The following RNF213 variants were observed in gnomAD, a reference collection of about 807,000 sequenced individuals.
The protein encoded by RNF213 is E3 ubiquitin-protein ligase RNF213.
RNF213 carries 341 observed loss-of-function variants against 514.4 expected under a neutral mutation model. The ratio of observed to expected loss-of-function variants is 0.66; its 90% CI spans 0.61 to 0.73. The LOEUF is 0.73. Ranked by LOEUF, RNF213 falls within the 30% of genes least tolerant of loss-of-function variation. RNF213 has a pLI of 0.00. For synonymous variants in RNF213, 2,655 were observed against 2,658.2 expected, an observed-to-expected ratio of 1.00 and a Z score of 0.04; for missense variants, 5,767 against 6,615.6, an observed-to-expected ratio of 0.87 and a Z score of 4.45.
Position 80,346,961 on chromosome 17 carries a change from C to G in RNF213, c.8626C>G (p.His2876Asp), listed in dbSNP as rs369984023. 3.1e-6 allele frequency: 5 copies of G among 1,613,798 alleles called. No homozygotes were observed. The highest frequency in any genetic ancestry group is 1.7e-5 in the Admixed American group (1 of 59,972). ...ATGCATTGAAGACGATCCCGCCCCC[C>G]ACAAAAAGGTCGGCTTCGTGGGCAT... ...DGCIEDDPAP[H>D]KKVGFVGISN... The change falls in exon 29 of 68, where the codon CAC becomes GAC. Residue 2876 changes from histidine to aspartate, a missense_variant. This residue lies in a region of RNF213 where 919 missense variants were observed against 1,121.0 expected (regional missense o/e 0.82). Transcript: ENST00000582970. This position sits in a 1 kb window ranked among gnomAD's most constrained non-coding sequence, Gnocchi z 8.1.
At chr17:80,364,622 CAG>C in intron 42 of RNF213, 69 bp downstream of exon 42, 1 of 1,597,310 alleles carries the variant, frequency 6.3e-7, no homozygotes, top group Non-Finnish European at 8.6e-7. Flanking sequence ...ACAGCACTGA[CAG>C]TGATCTGCGG....
intron 41 of RNF213, among the ~76,000 whole-genome samples, 162 bp from the exon 42 acceptor site, chr17:80,364,271 G>C (rs1279895293): frequency 1.3e-5 from 2 of 152,184 alleles, no homozygotes; most frequent in Non-Finnish European, 2.9e-5. Flanking sequence ...GCGAGAGCTG[G>C]GGGCGGGCCA....
chr17:80,381,525 C>T (rs997131419), intron 56 of RNF213, 22 bp from the exon 57 acceptor site: 1 of 1,613,698 alleles, frequency 6.2e-7, no homozygotes, highest in Non-Finnish European at 8.5e-7. Flanking sequence ...CCGCTGAACA[C>T]TCTGTTCCGT....
intron 64 of RNF213, 168 bp from the exon 65 acceptor site, chr17:80,389,005 C>T (rs2080351986): frequency 1.5e-6 from 1 of 668,268 alleles, no homozygotes; most frequent in Admixed American, 2.3e-5. Context: ...CTGTGTGTCT[C>T]CATGGCCTCC....
intron 3 of RNF213, among the ~76,000 whole-genome samples, chr17:80,275,112 T>C (rs1377853602): frequency 3.8e-5 from 5 of 131,358 alleles, no homozygotes; most frequent in African/African-American, 1.5e-4. Context: ...GTTGGGTGTG[T>C]GCGTGTTGGG....
intron 2 of RNF213, among the ~76,000 whole-genome samples, chr17:80,269,636 TTATC>T (rs1048337183): frequency 4.6e-5 from 7 of 151,940 alleles, no homozygotes; most frequent in East Asian, 3.9e-4. Flanking sequence ...TTCATCTAGC[TTATC>T]TATCTATTCA....
chr17:80,331,606 C>T (rs923400242), intron 20 of RNF213, among the ~76,000 whole-genome samples: 4 of 152,138 alleles, frequency 2.6e-5, no homozygotes, highest in African/African-American at 7.2e-5. Context: ...CCAGGCTGCT[C>T]ATGAACTCCT....
chr17:80,351,683 A>G lies in RNF213; in HGVS notation c.10185-2A>G, dbSNP rs114046339. On this transcript the variant is annotated splice_acceptor_variant, in intron 31 of 67. Coordinates refer to ENST00000582970, the MANE Select transcript of RNF213 (RefSeq NM_001256071.3). LOFTEE classifies it high-confidence loss of function. Reference sequence around the variant, plus strand: ...GGTATTCTTTTTTTTTTCTTTAAATAGGTATTCTGTTATAAATGAAATCAA... The same window carrying G: ...GGTATTCTTTTTTTTTTCTTTAAATGGGTATTCTGTTATAAATGAAATCAA... 589 of 1,416,570 alleles carry G rather than the reference A, an allele frequency of 4.2e-4. 3 individuals are homozygous for G. In the African/African-American group the frequency reaches 6.3e-3, roughly 15 times the overall value. The allele number at this position is 1,416,570 out of a possible 1,614,324, so 87.8% of individuals were successfully genotyped here.
rs755712045 is a variant in RNF213 at position 80,344,910 on chromosome 17, G to C, written c.6575G>C (p.Gly2192Ala). The part of the protein sequence containing the change: ...TFQYQEGSVE[G>A]TPEECLQHFL... ...CAGTATCAAGAAGGCTCTGTCGAAG[G>C]CACCCCGGAGGAATGCCTCCAGCAT... Residue 2192 changes from glycine to alanine, a missense_variant, in exon 29 of 68, where the codon GGC becomes GCC. Physicochemically the swap from Gly to Ala is moderately conservative, Grantham distance 60 (BLOSUM62 0). Coordinates refer to ENST00000582970, the MANE Select transcript of RNF213 (RefSeq NM_001256071.3). 2.5e-6 allele frequency: 4 copies of C among 1,614,028 alleles called. No individual in the cohort carries two copies. The African/African-American group carries it at 4.0e-5, about 16-fold the overall frequency.
Position 80,396,311 on chromosome 17 carries a change from T to G in RNF213, c.*2813T>G, listed in dbSNP as rs1051686041. On this transcript the variant is annotated 3_prime_UTR_variant, in exon 68 of 68. Coordinates refer to ENST00000582970, the MANE Select transcript of RNF213 (RefSeq NM_001256071.3). ...ATTGTGTGTGCAAATTATTTGCCTT[T>G]CATGAATAGTTATGAGACTTTGTGC... The G allele has an allele frequency of 6.6e-6, 1 of 152,162 alleles. No individual in the cohort carries two copies. The highest frequency in any genetic ancestry group is 1.5e-5 in the Non-Finnish European group (1 of 68,024). The allele number at this position is 152,162 out of a possible 1,614,324, so 9.4% of individuals were successfully genotyped here.
At position 80,339,548 on chromosome 17, in the gene RNF213, G is replaced by A. The variant is rs1043643434; in HGVS notation, c.5181G>A (p.Thr1727=). The A allele has an allele frequency of 7.8e-6, 12 of 1,537,166 alleles. No individual in the cohort carries two copies. The highest frequency in any genetic ancestry group is 2.0e-5 in the Admixed American group (1 of 50,986). The change falls in exon 26 of 68, where the codon ACG becomes ACA. Residue 1727 remains threonine, a synonymous_variant. Coordinates refer to ENST00000582970, the MANE Select transcript of RNF213 (RefSeq NM_001256071.3). ...AGCCCCCGAGTGATGCCGCCCTAAC[G>A]ATGCTATCCTTCATCAAAAGCAACT... The part of the protein sequence containing the change: ...RKQPPSDAAL[T]MLSFIKSNCT...
At chr17:80,304,584 G>A (rs368263103) in intron 11 of RNF213, among the ~76,000 whole-genome samples, 12 of 149,842 alleles carry the variant, frequency 8.0e-5, no homozygotes, top group East Asian at 7.9e-4. Flanking sequence ...AGCTTGCAGT[G>A]AGCCGAGATC....
At chr17:80,296,149 A>G (rs181728204) in intron 10 of RNF213, among the ~76,000 whole-genome samples, 69 of 152,262 alleles carry the variant, frequency 4.5e-4, no homozygotes, top group Non-Finnish European at 4.1e-4. Context: ...CCTCCTTAGT[A>G]GCAGGGACTA....
At position 80,336,684 on chromosome 17, in the gene RNF213, T is replaced by C. The variant is rs149228852; in HGVS notation, c.4527+306T>C. On this transcript the variant is annotated intron_variant, in intron 23 of 67. Coordinates refer to ENST00000582970, the MANE Select transcript of RNF213 (RefSeq NM_001256071.3). ...TCTCTGAATGGTTGTAATTGTCATTTTATTCTGTTACTTTTTGTTATTTTC... is the reference window on the plus strand; with the variant it reads ...TCTCTGAATGGTTGTAATTGTCATTCTATTCTGTTACTTTTTGTTATTTTC... 1,453 of 379,838 alleles carry C rather than the reference T, an allele frequency of 3.8e-3. 6 individuals carry two copies. Among genetic ancestry groups the C allele is most frequent in the Non-Finnish European group, 5.8e-3 (1,145 of 197,980 alleles). The allele number at this position is 379,838 out of a possible 1,614,324, so 23.5% of individuals were successfully genotyped here.
At chr17:80,358,599 G>A (rs2078922385) in intron 37 of RNF213, 120 bp downstream of exon 37, 1 of 845,600 alleles carries the variant, frequency 1.2e-6, no homozygotes, top group Non-Finnish European at 2.0e-6. Context: ...CGTTGACATG[G>A]GTGCTTTCTG....
At chr17:80,357,979 C>T (rs2078896466) in intron 36 of RNF213, among the ~76,000 whole-genome samples, 1 of 152,146 alleles carries the variant, frequency 6.6e-6, no homozygotes, top group South Asian at 2.1e-4. Context: ...CAGAGTGAGA[C>T]CCTCACATAC....
chr17:80,390,152 G>A lies in RNF213; in HGVS notation c.15426G>A (p.Lys5142=), dbSNP rs1320448914. 2.5e-6 allele frequency: 4 copies of A among 1,614,054 alleles called. No homozygotes were observed. In the East Asian group the frequency reaches 8.9e-5, roughly 36 times the overall value. Residue 5142 remains lysine (K), a synonymous_variant, in exon 67 of 68, where the codon AAG becomes AAA. Coordinates refer to ENST00000582970, the MANE Select transcript of RNF213 (RefSeq NM_001256071.3). The part of the protein sequence containing the change: ...ELHEMIILKL[K]NPQTQTEERF... ...ACGAAATGATAATCTTGAAACTAAA[G>A]AACCCCCAAACCCAAACCGAGGAGC...
chr17:80,318,508 C>T (rs2046021980), intron 16 of RNF213, among the ~76,000 whole-genome samples: 1 of 152,166 alleles, frequency 6.6e-6, no homozygotes, highest in Non-Finnish European at 1.5e-5. Context: ...AGACATGCCC[C>T]TCATGCTGAA....
chr17:80,375,898 CA>C (rs1197007377), intron 51 of RNF213, 28 bp downstream of exon 51: 4 of 1,433,958 alleles, frequency 2.8e-6, no homozygotes, highest in Admixed American at 3.3e-5. Context: ...GGGCTGTGTT[CA>C]AAGTCTCAGT....
Sources: allele counts gnomAD v4.1 joint callset (sites outside exome capture counted in the v4.1 genomes callset), GRCh38; gene constraint gnomAD v4.1.1; regional missense constraint gnomAD v4.1.1; non-coding constraint Gnocchi (gnomAD v3.1); transcripts MANE v1.5; gene names NCBI Gene and HGNC (gene_info 2026-07-23, HGNC 2026-07-21).